The following SPP2 variants were observed in gnomAD, a reference collection of about 807,000 sequenced individuals.
The protein encoded by SPP2 is secreted phosphoprotein 2.
SPP2 carries 34 observed loss-of-function variants against 28.8 expected under a neutral mutation model. The ratio of observed to expected loss-of-function variants is 1.18; its 90% CI spans 0.90 to 1.57. SPP2 has a LOEUF of 1.57. Ranked by LOEUF, SPP2 falls within the 40% of genes most tolerant of loss-of-function variation. SPP2 has a pLI of 0.00. For synonymous variants in SPP2, 96 were observed against 89.4 expected (o/e 1.07, Z -0.42); for missense variants, 269 against 263.9 (o/e 1.02, Z -0.13).
intron 4 of SPP2, among the ~76,000 whole-genome samples, chr2:234,064,939 T>C (rs951879879): frequency 1.3e-5 from 2 of 152,248 alleles, no homozygotes; most frequent in African/African-American, 4.8e-5. Context: ...GATTGATCCA[T>C]TCATTCATTG....
intron 2 of SPP2, among the ~76,000 whole-genome samples, chr2:234,053,361 G>A (rs1693538771): frequency 6.6e-6 from 1 of 152,172 alleles, no homozygotes; most frequent in East Asian, 1.9e-4. Flanking sequence ...GTTTAGTCAT[G>A]AGTATTTGGG....
intron 4 of SPP2, among the ~76,000 whole-genome samples, chr2:234,060,747 G>GCA (rs58407806): frequency 4.0e-5 from 6 of 148,738 alleles, no homozygotes; most frequent in Non-Finnish European, 7.5e-5. Context: ...ACACACACAC[G>GCA]CACACACACA....
intron 7 of SPP2, among the ~76,000 whole-genome samples, chr2:234,072,297 C>G (rs1690805549): frequency 6.6e-6 from 1 of 152,140 alleles, no homozygotes; most frequent in Non-Finnish European, 1.5e-5. Context: ...TGGCACAACT[C>G]TAAATATAAA....
At chr2:234,054,458 T>C (rs184891847) in intron 2 of SPP2, among the ~76,000 whole-genome samples, 1 of 152,228 alleles carries the variant, frequency 6.6e-6, no homozygotes, top group Non-Finnish European at 1.5e-5. Context: ...AAAACACCAA[T>C]TTATTTCTCA....
chr2:234,067,777 C>CAA (rs56184185), intron 6 of SPP2, among the ~76,000 whole-genome samples: 87 of 63,492 alleles, frequency 1.4e-3, no homozygotes, highest in African/African-American at 4.1e-3. Context: ...GACTCCGTCT[C>CAA]AAAAAAAAAA....
intron 2 of SPP2, among the ~76,000 whole-genome samples, chr2:234,052,594 G>A (rs557024488): frequency 1.3e-5 from 2 of 152,282 alleles, no homozygotes; most frequent in South Asian, 4.1e-4. Flanking sequence ...CTTGAGCCCA[G>A]ACGCACATGC....
At chr2:234,056,219 A>G (rs951940360) in intron 2 of SPP2, 1 of 152,176 alleles carries the variant, frequency 6.6e-6, no homozygotes, top group South Asian at 2.1e-4. Context: ...ACAAATTTAC[A>G]AGAAAAAAAA....
In SPP2 at chr2:234,072,289, G is replaced by A. The variant is rs552115227; in HGVS notation, c.*10+2266G>A. The stretch of plus-strand genomic sequence containing the variant: ...TGGTAGCTTTTCTTTTTAATGTATG[G>A]CACAACTCTAAATATAAAAACCAGC... On this transcript the variant is annotated intron_variant, in intron 7 of 7. Transcript: ENST00000168148. 7.9e-5 allele frequency among the ~76,000 whole-genome samples: 12 copies of A among 152,148 alleles called. No homozygotes were observed. In the East Asian group the frequency reaches 2.3e-3, roughly 29 times the overall value.
chr2:234,052,173 G>A (rs1265599588), intron 2 of SPP2, among the ~76,000 whole-genome samples: 2 of 152,102 alleles, frequency 1.3e-5, no homozygotes, highest in Non-Finnish European at 2.9e-5. Flanking sequence ...CAGAATCATG[G>A]CCAGAGTGGA....
intron 2 of SPP2, 113 bp downstream of exon 2, chr2:234,051,208 A>T (rs1693490217): frequency 7.4e-7 from 1 of 1,355,578 alleles, no homozygotes; most frequent in Admixed American, 2.1e-5. Context: ...GATAGTAGCT[A>T]GTCATCTCTT....
Position 234,050,801 on chromosome 2 carries a change from G to T in SPP2, c.15G>T (p.Met5Ile). The change falls in exon 1 of 8, where the codon ATG (methionine) becomes ATT (isoleucine). Residue 5 changes from methionine to isoleucine, a missense_variant. Met to Ile is a conservative substitution (Grantham distance 10). Coordinates refer to ENST00000168148, the MANE Select transcript of SPP2 (RefSeq NM_006944.3). MISR[M>I]EKMTMMMKIL... ...CGATTACAATCATGATTTCCAGAAT[G>T]GAGAAGATGACGATGATGATGAAGA... 2 of 1,613,876 alleles carry T rather than the reference G, an allele frequency of 1.2e-6. No individual in the cohort carries two copies. Among genetic ancestry groups the T allele is most frequent in the Non-Finnish European group, 1.7e-6 (2 of 1,179,846 alleles).
intron 7 of SPP2, among the ~76,000 whole-genome samples, chr2:234,073,956 C>T (rs1056109737): frequency 2.0e-5 from 3 of 152,200 alleles, no homozygotes; most frequent in African/African-American, 7.2e-5. Flanking sequence ...ATGAATATTA[C>T]AGCTCTCAAG....
intron 2 of SPP2, 78 bp from the exon 3 acceptor site, chr2:234,058,758 G>C: frequency 6.8e-7 from 1 of 1,464,200 alleles, no homozygotes; most frequent in Non-Finnish European, 9.2e-7. Context: ...TTTTTCTTAT[G>C]GGGTAGAGAC....
intron 6 of SPP2, among the ~76,000 whole-genome samples, chr2:234,068,431 C>G (rs941880444): frequency 6.6e-6 from 1 of 152,158 alleles, no homozygotes; most frequent in Non-Finnish European, 1.5e-5. Context: ...AGAAGAACTG[C>G]GAAATCCACC....
intron 7 of SPP2, among the ~76,000 whole-genome samples, chr2:234,070,801 C>T (rs1690753511): frequency 6.6e-6 from 1 of 152,136 alleles, no homozygotes; most frequent in Non-Finnish European, 1.5e-5. Flanking sequence ...CGTATGATCT[C>T]CTTAGTTTAA....
rs1010588880 is a variant in SPP2, at chr2:234,064,340, C to G, written c.445-2193C>G. Among the ~76,000 whole-genome samples the G allele has an allele frequency of 7.2e-5, 11 of 152,114 alleles. 1 individual carries two copies. In the South Asian group the frequency reaches 2.3e-3, roughly 32 times the overall value. On this transcript the variant is annotated intron_variant, in intron 4 of 7. Transcript: ENST00000168148. The stretch of plus-strand genomic sequence containing the variant: ...CCCCTTGCAGCAGGAAGTAAAGCCT[C>G]AAGCTACTCCAGACTTATGTCCTCT...
intron 4 of SPP2, 76 bp downstream of exon 4, chr2:234,060,555 T>C (rs1693698833): frequency 1.7e-6 from 2 of 1,201,596 alleles, no homozygotes; most frequent in Non-Finnish European, 2.4e-6. Flanking sequence ...CAGAGTGGTT[T>C]GCTGGGTAGC....
chr2:234,059,008 C>G, intron 3 of SPP2, 50 bp downstream of exon 3: 1 of 1,584,648 alleles, frequency 6.3e-7, no homozygotes, highest in Non-Finnish European at 8.6e-7. Flanking sequence ...AAGAGCCTCA[C>G]TTCTTCCATG....
At chr2:234,069,316 C>T (rs1693888002) in intron 6 of SPP2, among the ~76,000 whole-genome samples, 1 of 152,158 alleles carries the variant, frequency 6.6e-6, no homozygotes. Context: ...ATTAAATACA[C>T]AGGCCAATCC....
Sources: allele counts gnomAD v4.1 joint callset (sites outside exome capture counted in the v4.1 genomes callset), GRCh38; gene constraint gnomAD v4.1.1; transcripts MANE v1.5; gene names NCBI Gene and HGNC (gene_info 2026-07-23, HGNC 2026-07-21).